Variants in ANK2 observed in about 807,000 individuals in gnomAD.
ANK2 encodes ankyrin-2.
A neutral mutation model predicts 360.5 loss-of-function variants in ANK2; 83 were observed. The observed-to-expected ratio is 0.23, with a 90% confidence interval of 0.19 to 0.28. The LOEUF (loss-of-function observed/expected upper bound fraction) is 0.28, where lower values mean the gene tolerates loss of function less well. Ranked by LOEUF, ANK2 falls within the 10% of genes least tolerant of loss-of-function variation. The pLI is 1.00. For missense variants in ANK2, 4,201 were observed against 4,795.7 expected, an observed-to-expected ratio of 0.88 and a Z score of 3.66; for synonymous variants, 1,740 against 1,759.5, an observed-to-expected ratio of 0.99 and a Z score of 0.28.
At chr4:113,019,119 G>A (rs991484168) in intron 2 of ANK2, among the ~76,000 whole-genome samples, 1 of 152,122 alleles carries the variant, frequency 6.6e-6, no homozygotes. Context: ...GTATGTTCAG[G>A]TTATATGTAT....
intron 34 of ANK2, among the ~76,000 whole-genome samples, chr4:113,343,948 A>T (rs972575569): frequency 1.7e-4 from 26 of 152,088 alleles, no homozygotes; most frequent in African/African-American, 5.8e-4. Context: ...ACTGTTCATC[A>T]GCAATGACTC....
At chr4:113,127,371 C>T (rs965978205) in intron 1 of ANK2, among the ~76,000 whole-genome samples, 12 of 151,820 alleles carry the variant, frequency 7.9e-5, no homozygotes, top group Non-Finnish European at 1.5e-4. Flanking sequence ...AAGTAACTTC[C>T]CTTTTAGATA....
chr4:112,895,424 A>G (rs1159965927), intron 1 of ANK2, among the ~76,000 whole-genome samples: 1 of 152,172 alleles, frequency 6.6e-6, no homozygotes, highest in Non-Finnish European at 1.5e-5. Context: ...TGCAAAAGGA[A>G]TTTTCATTCA....
chr4:113,152,943 A>C (rs936015647), intron 1 of ANK2, among the ~76,000 whole-genome samples: 1 of 152,188 alleles, frequency 6.6e-6, no homozygotes, highest in African/African-American at 2.4e-5. Context: ...ACAGAAGTAT[A>C]ATAATTTCAA....
At chr4:113,311,439 T>A (rs374676208) in intron 24 of ANK2, 40 bp downstream of exon 24, 2 of 1,609,862 alleles carry the variant, frequency 1.2e-6, no homozygotes, top group South Asian at 2.2e-5. Context: ...GCCAGAAGTA[T>A]GTGCAACATA....
At chr4:113,279,707 A>G (rs971268451) in intron 17 of ANK2, among the ~76,000 whole-genome samples, 1 of 148,586 alleles carries the variant, frequency 6.7e-6, no homozygotes, top group East Asian at 1.9e-4. Context: ...TAAATATATT[A>G]TATATATCAT....
Position 113,357,345 on chromosome 4 carries a change from C to T in ANK2, c.8727C>T (p.Pro2909=), listed in dbSNP as rs144821187. The T allele has an allele frequency of 4.4e-5, 71 of 1,613,910 alleles. No homozygotes were observed. In the African/African-American group the frequency reaches 6.7e-4, roughly 15 times the overall value. ...CAGATAGATTTTCCATGGATGTTCCCGTGTCTGACCTAGCTGAGAATGATG... is the reference window on the plus strand; with the variant it reads ...CAGATAGATTTTCCATGGATGTTCCTGTGTCTGACCTAGCTGAGAATGATG... ...TQTDRFSMDV[P]VSDLAENDEI... is the part of the protein sequence containing the mutation. Residue 2909 remains proline (P), a synonymous_variant, in exon 38 of 46, where the codon CCC becomes CCT. Coordinates refer to ENST00000357077, the MANE Select transcript of ANK2 (RefSeq NM_001148.6).
At chr4:113,263,259 A>G (rs2054086676) in intron 13 of ANK2, among the ~76,000 whole-genome samples, 1 of 150,758 alleles carries the variant, frequency 6.6e-6, no homozygotes, top group African/African-American at 2.5e-5. Context: ...GATATGGAAA[A>G]CAAGTTAGAA....
chr4:113,283,168 G>A (rs1248689963), intron 18 of ANK2, among the ~76,000 whole-genome samples: 1 of 152,104 alleles, frequency 6.6e-6, no homozygotes, highest in Non-Finnish European at 1.5e-5. Context: ...GTCTAAAGAG[G>A]CTACCCTGTA....
rs185802398 is a variant in ANK2 at position 113,110,298 on chromosome 4, C to T, written c.84+60486C>T. ...TGAGAACAGCATGGGAGAAACCTAC[C>T]CCATGATTCAATTACTTCCCACTGG... On this transcript the variant is annotated intron_variant, in intron 1 of 45. Transcript: ENST00000357077. 3.3e-4 allele frequency among the ~76,000 whole-genome samples: 50 copies of T among 152,202 alleles called. No individual in the cohort carries two copies. In the East Asian group the frequency reaches 5.0e-3, roughly 15 times the overall value.
rs10659682 is a variant in ANK2 at position 113,250,755 on chromosome 4, G to GCCCC, written c.990+901_990+904dup. ...CTATTCCATTCCACCTCATACCACC[G>GCCCC]CCCCCCCCCCCGACAGAGTTGGTAT... On this transcript the variant is annotated intron_variant, in intron 10 of 45. Transcript: ENST00000357077. Among the ~76,000 whole-genome samples, 55 of 60,354 alleles carry GCCCC rather than the reference G, an allele frequency of 9.1e-4. 5 individuals are homozygous for GCCCC. Among genetic ancestry groups the GCCCC allele is most frequent in the East Asian group, 3.2e-3 (6 of 1,884 alleles). The allele number at this position is 60,354 out of a possible 152,430, so 39.6% of individuals were successfully genotyped here.
At chr4:112,855,336 C>T (rs1482791093) in intron 1 of ANK2, among the ~76,000 whole-genome samples, 1 of 152,182 alleles carries the variant, frequency 6.6e-6, no homozygotes, top group Non-Finnish European at 1.5e-5. Context: ...TGTCTTTGTT[C>T]GTTGTCCACA....
intron 2 of ANK2, among the ~76,000 whole-genome samples, chr4:112,949,679 T>TA (rs1405485975): frequency 1.3e-5 from 2 of 152,204 alleles, no homozygotes; most frequent in Non-Finnish European, 2.9e-5. Context: ...TGAGATGGAT[T>TA]AAAGATTAAA....
chr4:113,079,748 G>A (rs537676291), intron 1 of ANK2, among the ~76,000 whole-genome samples: 6 of 152,104 alleles, frequency 3.9e-5, no homozygotes, highest in East Asian at 1.9e-4. Flanking sequence ...TCAATTGCAC[G>A]TGGGCTCTCT....
chr4:113,341,572 C>T, intron 32 of ANK2, 116 bp from the exon 33 acceptor site: 2 of 1,060,080 alleles, frequency 1.9e-6, no homozygotes, highest in Non-Finnish European at 2.8e-6. Flanking sequence ...CCCTCTCTCA[C>T]TTCCTTTTTT....
intron 9 of ANK2, 26 bp from the exon 10 acceptor site, chr4:113,249,738 G>T (rs761389394): frequency 6.2e-7 from 1 of 1,610,462 alleles, no homozygotes; most frequent in Non-Finnish European, 8.5e-7. Flanking sequence ...GTGAACTTGG[G>T]CCTAATTCTT....
intron 2 of ANK2, among the ~76,000 whole-genome samples, chr4:112,943,470 T>C (rs1349167778): frequency 2.0e-5 from 3 of 152,018 alleles, no homozygotes; most frequent in Admixed American, 2.0e-4. Context: ...TTCCTGTTAC[T>C]GATCTCTTTG....
chr4:113,332,521 GGCCA>G (rs1326211297), intron 28 of ANK2, among the ~76,000 whole-genome samples: 2 of 152,148 alleles, frequency 1.3e-5, no homozygotes, highest in Non-Finnish European at 2.9e-5. Context: ...GCTCAATTAG[GGCCA>G]CACTGTGTAC....
chr4:112,993,243 C>A (rs2047410834), intron 2 of ANK2, among the ~76,000 whole-genome samples: 1 of 152,066 alleles, frequency 6.6e-6, no homozygotes, highest in African/African-American at 2.4e-5. Context: ...ATGTTTGTGA[C>A]TGCACTCCAG....
Sources: gnomAD v4.1 joint callset for allele counts (sites outside exome capture counted in the v4.1 genomes callset) on GRCh38, gnomAD v4.1.1 for gene constraint, MANE v1.5 for transcripts, NCBI Gene and HGNC (gene_info 2026-07-23, HGNC 2026-07-21) for gene names.